LIPA: variants seen among roughly 807,000 people sequenced by gnomAD.
LIPA encodes the protein lysosomal acid lipase/cholesteryl ester hydrolase.
A neutral mutation model predicts 40.6 loss-of-function variants in LIPA; 26 were observed. The observed-to-expected ratio is 0.64, with a 90% CI of 0.47 to 0.89. LIPA has a LOEUF of 0.89. Among genes scored for constraint, LIPA ranks in the 40% least tolerant of loss-of-function variants. LIPA has a pLI of 0.00. For missense variants in LIPA, 455 were observed against 479.6 expected (o/e 0.95, Z 0.48); for synonymous variants, 188 against 168.4 (o/e 1.12, Z -0.90).
intron 1 of LIPA, chr10:89,302,097 C>T: frequency 1.2e-6 from 2 of 1,613,716 alleles, no homozygotes; most frequent in African/African-American, 1.3e-5. Flanking sequence ...CGAGCCCTGC[C>T]GAACAGCTGA....
chr10:89,224,917 TC>T, intron 6 of LIPA, among the ~76,000 whole-genome samples, 174 bp downstream of exon 6: 1 of 152,052 alleles, frequency 6.6e-6, no homozygotes, highest in Middle Eastern at 3.4e-3. Flanking sequence ...ACGACAGGCG[TC>T]CCCGGCCACC....
intron 2 of LIPA, among the ~76,000 whole-genome samples, chr10:89,362,011 A>G (rs986390272): frequency 6.8e-6 from 1 of 147,154 alleles, no homozygotes; most frequent in Non-Finnish European, 1.5e-5. Flanking sequence ...CAATCCTCCT[A>G]CCTCAGCCTC....
intron 1 of LIPA, among the ~76,000 whole-genome samples, chr10:89,259,747 T>C (rs970180330): frequency 6.6e-6 from 1 of 152,184 alleles, no homozygotes; most frequent in Non-Finnish European, 1.5e-5. Context: ...CATGAATGAC[T>C]CTTAAAATAA....
At position 89,384,108 on chromosome 10, in the gene LIPA, G is replaced by A. The variant is rs751872884; in HGVS notation, c.61+28683C>T. ...CAGCCAAGTTTTATCGAAGAAAAGG[G>A]TCTGTGGATAAAGCTCTTGAGCTCT... On this transcript the variant is annotated intron_variant, in intron 2 of 8. Transcript: ENST00000371837. 3 of 1,614,178 alleles carry A rather than the reference G, an allele frequency of 1.9e-6. No homozygotes were observed. In the Admixed American group the frequency reaches 5.0e-5, roughly 27 times the overall value.
chr10:89,328,744 CA>C (rs900805994), intron 1 of LIPA, among the ~76,000 whole-genome samples: 7 of 152,036 alleles, frequency 4.6e-5, no homozygotes, highest in African/African-American at 1.7e-4. Context: ...TGGTCAGCAG[CA>C]AAAAAAGAAT....
At chr10:89,403,196 AG>A in intron 2 of LIPA, 1 of 1,614,140 alleles carries the variant, frequency 6.2e-7, no homozygotes, top group East Asian at 2.2e-5. Flanking sequence ...AGGCTACAAA[AG>A]GGCAGCCTAG....
chr10:89,223,280 T>C (rs1307247113), intron 7 of LIPA, among the ~76,000 whole-genome samples: 1 of 64,238 alleles, frequency 1.6e-5, no homozygotes, highest in African/African-American at 6.5e-5. Context: ...GTACTCAATA[T>C]TGGCTATAGT....
intron 1 of LIPA, chr10:89,292,607 C>T (rs1035946226): frequency 1.3e-5 from 2 of 152,182 alleles, no homozygotes; most frequent in East Asian, 3.8e-4. Flanking sequence ...GAGCTTTATA[C>T]ATAGTAGTCC....
intron 1 of LIPA, among the ~76,000 whole-genome samples, chr10:89,249,762 T>C (rs1322599905): frequency 1.3e-5 from 2 of 152,120 alleles, no homozygotes; most frequent in East Asian, 1.9e-4. Context: ...CACAAAGGGG[T>C]ATGCACAAAT....
At chr10:89,215,651 C>T (rs995591412) in intron 9 of LIPA, among the ~76,000 whole-genome samples, 1 of 152,218 alleles carries the variant, frequency 6.6e-6, no homozygotes, top group African/African-American at 2.4e-5. Context: ...AGATAACAGA[C>T]ATAGGACTGT....
At chr10:89,314,377 T>G (rs780993027) in intron 1 of LIPA, among the ~76,000 whole-genome samples, 16 of 152,356 alleles carry the variant, frequency 1.1e-4, no homozygotes, top group Non-Finnish European at 2.2e-4. Context: ...TTAAGAATAA[T>G]GTGAATTTAT....
rs75165974 is a variant in LIPA, at chr10:89,300,074, T to C, written c.-2+42537A>G. On this transcript the variant is annotated intron_variant, in intron 1 of 5. Transcript: ENST00000282673. ...AATATTGTATATATACACAATGGGA[T>C]ATTATTCAGCCATTAAAGAGGAATG... Among the ~76,000 whole-genome samples the C allele has an allele frequency of 6.0e-3, 907 of 152,302 alleles. 20 individuals carry two copies. The highest frequency in any genetic ancestry group is 0.039 in the East Asian group (202 of 5,186).
chr10:89,324,606 T>A (rs1291533226), intron 1 of LIPA, among the ~76,000 whole-genome samples: 1 of 152,160 alleles, frequency 6.6e-6, no homozygotes, highest in African/African-American at 2.4e-5. Context: ...AGAAAATATC[T>A]GCAAACTATG....
chr10:89,347,689 A>C (rs1305405154), upstream of LIPA, among the ~76,000 whole-genome samples: 1 of 152,192 alleles, frequency 6.6e-6, no homozygotes, highest in Non-Finnish European at 1.5e-5. Context: ...GCCAGCTTAA[A>C]CAAATCTGAT....
At chr10:89,261,556 C>G (rs1589581779) in intron 1 of LIPA, among the ~76,000 whole-genome samples, 2 of 152,108 alleles carry the variant, frequency 1.3e-5, no homozygotes, top group South Asian at 2.1e-4. Context: ...CAGAAGAGCT[C>G]ACATAAAAAT....
At chr10:89,307,138 C>A (rs745619883) in intron 1 of LIPA, 2 of 1,613,810 alleles carry the variant, frequency 1.2e-6, no homozygotes, top group Non-Finnish European at 1.7e-6. Context: ...CCATCCACCA[C>A]TTTATAGAGG....
intron 2 of LIPA, chr10:89,384,376 C>T: frequency 6.2e-7 from 1 of 1,614,066 alleles, no homozygotes; most frequent in South Asian, 1.1e-5. Flanking sequence ...AGAAATAGGC[C>T]ACCACAGAAA....
chr10:89,360,126 A>G (rs1844013514), intron 2 of LIPA, among the ~76,000 whole-genome samples: 1 of 152,184 alleles, frequency 6.6e-6, no homozygotes, highest in Non-Finnish European at 1.5e-5. Flanking sequence ...CATAAAACAT[A>G]TGAGAATGAA....
At position 89,334,582 on chromosome 10, in the gene LIPA, G is replaced by A. The variant is rs1361465362; in HGVS notation, c.-2+8029C>T. ...CCGATCTTGGCTCACTGCAACCTCCGCCTTCCGGTTTCAAGCAATTCTGCC... is the reference window on the plus strand; with the variant it reads ...CCGATCTTGGCTCACTGCAACCTCCACCTTCCGGTTTCAAGCAATTCTGCC... On this transcript the variant is annotated intron_variant, in intron 1 of 5. Transcript: ENST00000282673. 1.1e-4 allele frequency among the ~76,000 whole-genome samples: 8 copies of A among 74,650 alleles called. No homozygotes were observed. The East Asian group carries it at 6.4e-3, about 60-fold the overall frequency. 49.0% of individuals were successfully genotyped at this position (74,650 alleles called of 152,430 possible).
Sources: allele counts gnomAD v4.1 joint callset (sites outside exome capture counted in the v4.1 genomes callset), GRCh38; gene constraint gnomAD v4.1.1; transcripts MANE v1.5; gene names NCBI Gene and HGNC (gene_info 2026-07-23, HGNC 2026-07-21).